Variants in A1CF observed in about 807,000 individuals in gnomAD.
A1CF encodes the protein APOBEC1 complementation factor, also known as APOBEC-1 stimulating protein.
A1CF carries 48 observed loss-of-function variants against 68.9 expected under a neutral mutation model. The ratio of observed to expected loss-of-function variants is 0.70; its 90% CI spans 0.55 to 0.89. The LOEUF (loss-of-function observed/expected upper bound fraction) is 0.89. Among genes scored for constraint, A1CF ranks in the 40% least tolerant of loss-of-function variants. The pLI is 0.00. For synonymous variants in A1CF, 272 were observed against 260.4 expected (o/e 1.04, Z -0.43); for missense variants, 653 against 718.9 (o/e 0.91, Z 1.05).
chr10:50,849,132 A>G (rs551750967), intron 3 of A1CF, among the ~76,000 whole-genome samples: 1 of 152,104 alleles, frequency 6.6e-6, no homozygotes, highest in South Asian at 2.1e-4. Context: ...TACCAACAGG[A>G]TCCTCTTCAA....
intron 8 of A1CF, among the ~76,000 whole-genome samples, chr10:50,817,746 G>A (rs959355115): frequency 1.3e-5 from 2 of 152,122 alleles, no homozygotes; most frequent in African/African-American, 4.8e-5. Context: ...ATGATTCTTT[G>A]CGGCAAATTC....
intron 3 of A1CF, among the ~76,000 whole-genome samples, chr10:50,853,343 C>T (rs1840334913): frequency 6.6e-6 from 1 of 152,168 alleles, no homozygotes; most frequent in Non-Finnish European, 1.5e-5. Flanking sequence ...TGGCTCCTTG[C>T]AGAGTTTGTT....
intron 1 of A1CF, among the ~76,000 whole-genome samples, chr10:50,870,637 GT>G (rs771398642): frequency 2.4e-4 from 36 of 151,936 alleles, no homozygotes; most frequent in Non-Finnish European, 3.5e-4. Flanking sequence ...AACATTCAAT[GT>G]TTTCCTCCCA....
chr10:50,819,551 C>T lies in A1CF; in HGVS notation c.867+1001G>A, dbSNP rs116415999. Among the ~76,000 whole-genome samples, 1,005 of 152,214 alleles carry T rather than the reference C, an allele frequency of 6.6e-3. 11 individuals carry two copies. Among genetic ancestry groups the T allele is most frequent in the African/African-American group, 0.023 (956 of 41,546 alleles). ...AAATTCTGACACTCTTTTTTGATTT[C>T]CCTAGTCCCCACTCGCACTTTTGTA... On this transcript the variant is annotated intron_variant, in intron 8 of 12. Transcript: ENST00000373997.
At chr10:50,885,225 T>G (rs1841952376) in intron 1 of A1CF, among the ~76,000 whole-genome samples, 1 of 152,146 alleles carries the variant, frequency 6.6e-6, no homozygotes, top group African/African-American at 2.4e-5. Flanking sequence ...TTAATTATAT[T>G]TTTGTTTCTC....
chr10:50,862,345 AAC>A (rs1840787063), intron 2 of A1CF, among the ~76,000 whole-genome samples: 1 of 152,096 alleles, frequency 6.6e-6, no homozygotes, highest in South Asian at 2.1e-4. Context: ...CAGCCTGGGC[AAC>A]AGAGTGAGAC....
chr10:50,808,715 A>C (rs1381257234), intron 12 of A1CF, among the ~76,000 whole-genome samples: 3 of 152,206 alleles, frequency 2.0e-5, no homozygotes, highest in Non-Finnish European at 4.4e-5. Context: ...GGTCACTTTC[A>C]GATGTGAAAC....
chr10:50,813,569 G>A (rs374819407), intron 10 of A1CF, among the ~76,000 whole-genome samples: 4 of 152,272 alleles, frequency 2.6e-5, no homozygotes, highest in African/African-American at 7.2e-5. Context: ...CTCATTTCGG[G>A]TATGGGTTGA....
intron 1 of A1CF, among the ~76,000 whole-genome samples, chr10:50,865,358 G>T (rs2132552026): frequency 6.6e-6 from 1 of 152,080 alleles, no homozygotes; most frequent in Admixed American, 6.5e-5. Context: ...TCCATCATAG[G>T]GTTCTTTGAG....
chr10:50,866,177 G>T (rs1840980092), intron 1 of A1CF, among the ~76,000 whole-genome samples: 2 of 152,144 alleles, frequency 1.3e-5, no homozygotes, highest in South Asian at 2.1e-4. Flanking sequence ...GATTTTTGTT[G>T]TTTCTCTGCA....
At chr10:50,812,605 C>G (rs1838170217) in intron 10 of A1CF, among the ~76,000 whole-genome samples, 1 of 152,100 alleles carries the variant, frequency 6.6e-6, no homozygotes, top group Admixed American at 6.6e-5. Flanking sequence ...GTACTTTAAT[C>G]AGGTTTTTTG....
chr10:50,842,363 C>A (rs546963570), intron 4 of A1CF, among the ~76,000 whole-genome samples: 4 of 152,304 alleles, frequency 2.6e-5, no homozygotes, highest in Non-Finnish European at 5.9e-5. Flanking sequence ...GTAATTCCAG[C>A]ATTTTGGGAG....
chr10:50,867,982 T>C (rs1451001962), intron 1 of A1CF, among the ~76,000 whole-genome samples: 1 of 152,140 alleles, frequency 6.6e-6, no homozygotes, highest in Non-Finnish European at 1.5e-5. Context: ...AGCAGAGAAG[T>C]GTTCTTTCAT....
Position 50,813,949 on chromosome 10 carries a change from CTCTTT to C in A1CF, c.1226_1230del (p.Lys409ArgfsTer6). On this transcript the variant is annotated frameshift_variant, in exon 10 of 13. Coordinates refer to ENST00000373997, the MANE Select transcript of A1CF (RefSeq NM_014576.4). LOFTEE classifies it high-confidence loss of function. Reference sequence around the variant, plus strand: ...GGTAAAATGTCATAGAGTTTGTCTTCTCTTTTGTCTCCTTTGACCTGGTATCCTCG... The same window carrying C: ...GGTAAAATGTCATAGAGTTTGTCTTCTGTCTCCTTTGACCTGGTATCCTCG... 6.2e-7 allele frequency: 1 copy of C among 1,613,936 alleles called. No homozygotes were observed. Among genetic ancestry groups the C allele is most frequent in the Non-Finnish European group, 8.5e-7 (1 of 1,179,872 alleles).
intron 1 of A1CF, among the ~76,000 whole-genome samples, chr10:50,864,830 C>T (rs1173116072): frequency 2.6e-5 from 4 of 152,150 alleles, no homozygotes; most frequent in South Asian, 4.2e-4. Flanking sequence ...GTTGGTCAGG[C>T]TGGTCTCGAC....
In A1CF at chr10:50,806,687, T is replaced by C. The variant is rs371814174; in HGVS notation, c.*42A>G. On this transcript the variant is annotated 3_prime_UTR_variant, in exon 13 of 13. Coordinates refer to ENST00000373997, the MANE Select transcript of A1CF (RefSeq NM_014576.4). ...AGGTTTATTTCTTTTTTTTTTTTAA[T>C]AGAGTTTTGTGTGTCTTATTCTTAA... 7.2e-5 allele frequency: 109 copies of C among 1,508,636 alleles called. No homozygotes were observed. The African/African-American group carries it at 1.3e-3, about 18-fold the overall frequency. 93.5% of individuals were successfully genotyped at this position (1,508,636 alleles called of 1,614,324 possible).
At chr10:50,836,556 T>G (rs975051859) in intron 5 of A1CF, among the ~76,000 whole-genome samples, 1 of 152,038 alleles carries the variant, frequency 6.6e-6, no homozygotes, top group African/African-American at 2.4e-5. Context: ...TTATTTTATT[T>G]TACTTTAAGT....
intron 5 of A1CF, among the ~76,000 whole-genome samples, chr10:50,841,305 CT>C (rs1305262682): frequency 6.6e-6 from 1 of 152,172 alleles, no homozygotes; most frequent in Non-Finnish European, 1.5e-5. Flanking sequence ...CTTTCTGCCC[CT>C]CAAACATATC....
In A1CF at chr10:50,840,710, A is replaced by G. The variant is rs144819958; in HGVS notation, c.365+1152T>C. On this transcript the variant is annotated intron_variant, in intron 5 of 12. Transcript: ENST00000373997. ...AGCTGACCCCCAAATTTATATTCCAACTGTGACCTGTCTCCTGACTCCACC... is the reference window on the plus strand; with the variant it reads ...AGCTGACCCCCAAATTTATATTCCAGCTGTGACCTGTCTCCTGACTCCACC... Among the ~76,000 whole-genome samples the G allele has an allele frequency of 6.0e-3, 916 of 152,186 alleles. 7 individuals are homozygous for G. The highest frequency in any genetic ancestry group is 0.021 in the African/African-American group (856 of 41,510).
Sources: allele counts gnomAD v4.1 joint callset (sites outside exome capture counted in the v4.1 genomes callset), GRCh38; gene constraint gnomAD v4.1.1; transcripts MANE v1.5; gene names NCBI Gene and HGNC (gene_info 2026-07-23, HGNC 2026-07-21).